Variants in TMEM267 observed in about 807,000 individuals in gnomAD.
The protein encoded by TMEM267 is transmembrane protein C5orf28.
TMEM267 carries 20 observed loss-of-function variants against 19.3 expected under a neutral mutation model. That is an observed-to-expected ratio of 1.04 (90% confidence interval 0.73 to 1.51). TMEM267 has a LOEUF of 1.51. Ranked by LOEUF, TMEM267 falls within the 40% of genes most tolerant of loss-of-function variation. The pLI is 0.00. For missense variants in TMEM267, 242 were observed against 261.9 expected (o/e 0.92, Z 0.52); for synonymous variants, 88 against 90.3 (o/e 0.97, Z 0.15).
At chr5:43,452,282 C>T (rs755158032) in intron 2 of TMEM267, among the ~76,000 whole-genome samples, 7 of 151,934 alleles carry the variant, frequency 4.6e-5, no homozygotes, top group Admixed American at 6.6e-5. Flanking sequence ...ATAATAAAAT[C>T]GTGTCTTGTA....
chr5:43,462,785 T>C (rs1304840067), intron 1 of TMEM267, among the ~76,000 whole-genome samples: 1 of 152,008 alleles, frequency 6.6e-6, no homozygotes, highest in African/African-American at 2.4e-5. Flanking sequence ...ACATACAGGA[T>C]CTAAAAAATA....
At chr5:43,463,899 C>G (rs1743436993) in intron 1 of TMEM267, among the ~76,000 whole-genome samples, 1 of 152,128 alleles carries the variant, frequency 6.6e-6, no homozygotes, top group African/African-American at 2.4e-5. Flanking sequence ...TGGCACAAGA[C>G]AGGGATGCCC....
At chr5:43,480,507 G>A (rs1354719222) in intron 1 of TMEM267, among the ~76,000 whole-genome samples, 1 of 150,860 alleles carries the variant, frequency 6.6e-6, no homozygotes, top group African/African-American at 2.4e-5. Flanking sequence ...TTTTTTTTAA[G>A]AGACAGGGTC....
At chr5:43,480,797 CT>C (rs869260304) in intron 1 of TMEM267, among the ~76,000 whole-genome samples, 884 of 79,470 alleles carry the variant, frequency 0.011, 4 homozygotes, top group African/African-American at 0.041. Flanking sequence ...AATAATCTTA[CT>C]TTTTTTTTTT....
intron 2 of TMEM267, among the ~76,000 whole-genome samples, chr5:43,451,742 T>A (rs375019610): frequency 7.9e-5 from 12 of 152,250 alleles, no homozygotes; most frequent in African/African-American, 2.9e-4. Flanking sequence ...GCAATCCCAC[T>A]ACTGAATAGC....
chr5:43,447,251 G>A (rs1048046005), intron 2 of TMEM267, among the ~76,000 whole-genome samples: 4 of 151,858 alleles, frequency 2.6e-5, no homozygotes, highest in Middle Eastern at 3.4e-3. Context: ...CACCATGCCC[G>A]GCTAATTTTT....
At chr5:43,456,118 G>A (rs1480554004) in intron 1 of TMEM267, among the ~76,000 whole-genome samples, 1 of 152,094 alleles carries the variant, frequency 6.6e-6, no homozygotes, top group East Asian at 1.9e-4. Context: ...TTACAGGCAT[G>A]AGCCATCATG....
Position 43,453,998 on chromosome 5 carries a change from A to G in TMEM267, c.-29T>C, listed in dbSNP as rs1162302356. Reference sequence around the variant, plus strand: ...AAACAATATGTTAGTATAGACTAAAAGCCATCAGGAATGAACAGTCTATTC... The same window carrying G: ...AAACAATATGTTAGTATAGACTAAAGGCCATCAGGAATGAACAGTCTATTC... On this transcript the variant is annotated 5_prime_UTR_variant, in exon 2 of 3. Coordinates refer to ENST00000397080, the MANE Select transcript of TMEM267 (RefSeq NM_022483.5). 1 of 1,601,630 alleles carries G rather than the reference A, an allele frequency of 6.2e-7. No homozygotes were observed. The highest frequency in any genetic ancestry group is 1.3e-5 in the African/African-American group (1 of 74,382).
intron 1 of TMEM267, among the ~76,000 whole-genome samples, chr5:43,459,131 T>C (rs6883661): frequency 0.6 from 90,974 of 152,010 alleles, 29,505 homozygotes; most frequent in African/African-American, 0.85. Context: ...CTAAGCATAG[T>C]TAAATTATGG....
chr5:43,473,139 CAAA>C (rs71610311), intron 1 of TMEM267, among the ~76,000 whole-genome samples: 17 of 84,506 alleles, frequency 2.0e-4, no homozygotes, highest in African/African-American at 6.8e-4. Context: ...CTCCGTGTCA[CAAA>C]AAAAAAAAAA....
intron 2 of TMEM267, 82 bp from the exon 3 acceptor site, chr5:43,446,639 AT>A: frequency 1.1e-6 from 1 of 883,648 alleles, no homozygotes; most frequent in Non-Finnish European, 1.7e-6. Flanking sequence ...ATTTTAAAAT[AT>A]TTTCCAGAGT....
chr5:43,445,163 C>G lies in TMEM267; in HGVS notation c.*1059G>C, dbSNP rs1742173751. ...TAAGATGTATAGCAACTAAATTTTCCTTCTCTAATAAAGAGGAATCATTTT... is the reference window on the plus strand; with the variant it reads ...TAAGATGTATAGCAACTAAATTTTCGTTCTCTAATAAAGAGGAATCATTTT... On this transcript the variant is annotated 3_prime_UTR_variant, in exon 3 of 3. Coordinates refer to ENST00000397080, the MANE Select transcript of TMEM267 (RefSeq NM_022483.5). 3 of 152,066 alleles carry G rather than the reference C, an allele frequency of 2.0e-5. No individual in the cohort carries two copies. Among genetic ancestry groups the G allele is most frequent in the Non-Finnish European group, 4.4e-5 (3 of 68,014 alleles). 9.4% of individuals were successfully genotyped at this position (152,066 alleles called of 1,614,324 possible).
intron 1 of TMEM267, among the ~76,000 whole-genome samples, chr5:43,468,977 G>A (rs1046965531): frequency 6.6e-5 from 10 of 152,080 alleles, no homozygotes; most frequent in African/African-American, 2.4e-4. Context: ...ATGACCAGTG[G>A]GTCAATGAAG....
intron 1 of TMEM267, among the ~76,000 whole-genome samples, chr5:43,467,368 T>G (rs951867386): frequency 4.6e-5 from 7 of 151,864 alleles, no homozygotes; most frequent in Non-Finnish European, 1.0e-4. Flanking sequence ...AAGACACACA[T>G]AGACTGAAAG....
intron 1 of TMEM267, among the ~76,000 whole-genome samples, chr5:43,461,884 A>T (rs941119016): frequency 2.6e-5 from 4 of 152,198 alleles, no homozygotes; most frequent in Non-Finnish European, 1.5e-5. Context: ...AAGGAAGGAC[A>T]TAGGCCTGGC....
At chr5:43,468,486 A>G (rs964004802) in intron 1 of TMEM267, among the ~76,000 whole-genome samples, 2 of 152,138 alleles carry the variant, frequency 1.3e-5, no homozygotes, top group Non-Finnish European at 2.9e-5. Context: ...TAAAGGAAAA[A>G]GGGAGAGTCT....
intron 1 of TMEM267, among the ~76,000 whole-genome samples, chr5:43,481,106 C>G (rs1168326762): frequency 3.2e-5 from 4 of 124,454 alleles, no homozygotes; most frequent in Non-Finnish European, 6.7e-5. Context: ...GCCCGGCTTA[C>G]TTTTTTTTTT....
At chr5:43,467,918 C>A (rs749797883) in intron 1 of TMEM267, among the ~76,000 whole-genome samples, 70 of 152,144 alleles carry the variant, frequency 4.6e-4, no homozygotes, top group Admixed American at 1.0e-3. Context: ...GGGGGCCTTA[C>A]TTTGAGCTGT....
At chr5:43,463,593 G>A (rs191236583) in intron 1 of TMEM267, among the ~76,000 whole-genome samples, 33 of 152,166 alleles carry the variant, frequency 2.2e-4, no homozygotes, top group African/African-American at 7.5e-4. Flanking sequence ...ACCCCACCAT[G>A]ATCCAGCCCA....
Sources: gnomAD v4.1 joint callset for allele counts (sites outside exome capture counted in the v4.1 genomes callset) on GRCh38, gnomAD v4.1.1 for gene constraint, MANE v1.5 for transcripts, NCBI Gene and HGNC (gene_info 2026-07-23, HGNC 2026-07-21) for gene names.